OR11A1: variants seen among roughly 807,000 people sequenced by gnomAD.
OR11A1 encodes olfactory receptor 11A1.
For missense variants in OR11A1, 380 were observed against 378.2 expected (o/e 1.00, Z -0.04); for synonymous variants, 158 against 152.2 (o/e 1.04, Z -0.28).
rs138178812 is a variant in OR11A1, at chr6:29,447,795, G to A, written c.-389+9192C>T. 8.0e-3 allele frequency among the ~76,000 whole-genome samples: 1,216 copies of A among 152,250 alleles called. 14 individuals carry two copies. The highest frequency in any genetic ancestry group is 0.025 in the East Asian group (131 of 5,178). On this transcript the variant is annotated intron_variant, in intron 1 of 4. Coordinates refer to ENST00000377149, the MANE Select transcript of OR11A1 (RefSeq NM_001394828.1). Reference sequence around the variant, plus strand: ...GATGATGAGGCTTTTAATTCTTCCTGTTTCTGGGATGGCCTGGCTGGGCCT... The same window carrying A: ...GATGATGAGGCTTTTAATTCTTCCTATTTCTGGGATGGCCTGGCTGGGCCT...
At chr6:29,443,546 T>C (rs3117193) in intron 1 of OR11A1, among the ~76,000 whole-genome samples, 100,860 of 151,896 alleles carry the variant, frequency 0.66, 33,890 homozygotes, top group South Asian at 0.79. Flanking sequence ...ATTTTTTATT[T>C]ATTCACCTGC....
intron 1 of OR11A1, among the ~76,000 whole-genome samples, chr6:29,443,972 TAAA>T (rs148674915): frequency 1.5e-5 from 2 of 129,802 alleles, no homozygotes; most frequent in Non-Finnish European, 3.2e-5. Flanking sequence ...AATCAGTAAT[TAAA>T]AAAAAAAAAA....
intron 4 of OR11A1, 102 bp from the exon 5 acceptor site, chr6:29,427,834 C>T: frequency 1.2e-6 from 1 of 837,546 alleles, no homozygotes; most frequent in Admixed American, 3.0e-5. Flanking sequence ...ATTCCTTCCT[C>T]AACTCTCATC....
At chr6:29,431,203 AT>A (rs1783205249) in intron 2 of OR11A1, among the ~76,000 whole-genome samples, 2 of 152,218 alleles carry the variant, frequency 1.3e-5, no homozygotes, top group East Asian at 3.8e-4. Flanking sequence ...ATTTTAAAAA[AT>A]ATATACAAAA....
chr6:29,426,656 G>A lies in OR11A1; in HGVS notation c.*38C>T. The A allele has an allele frequency of 6.6e-7, 1 of 1,516,204 alleles. No individual in the cohort carries two copies. The highest frequency in any genetic ancestry group is 1.2e-5 in the South Asian group (1 of 80,690). The allele number at this position is 1,516,204 out of a possible 1,614,324, so 93.9% of individuals were successfully genotyped here. ...CATCCTGGAAGAGTCCCCAGTGGAGGTGTCCGAAGTCCAAAATAACATCTT... is the reference window on the plus strand; with the variant it reads ...CATCCTGGAAGAGTCCCCAGTGGAGATGTCCGAAGTCCAAAATAACATCTT... On this transcript the variant is annotated 3_prime_UTR_variant, in exon 5 of 5. Coordinates refer to ENST00000377149, the MANE Select transcript of OR11A1 (RefSeq NM_001394828.1).
Position 29,426,662 on chromosome 6 carries a change from G to A in OR11A1, c.*32C>T, listed in dbSNP as rs543190467. On this transcript the variant is annotated 3_prime_UTR_variant, in exon 5 of 5. Transcript: ENST00000377149. ...GGAAGAGTCCCCAGTGGAGGTGTCC[G>A]AAGTCCAAAATAACATCTTCATTAC... The A allele has an allele frequency of 1.2e-4, 182 of 1,556,058 alleles. No individual in the cohort carries two copies. The East Asian group carries it at 2.0e-3, about 18-fold the overall frequency.
At position 29,430,350 on chromosome 6, in the gene OR11A1, GT is replaced by G; in HGVS notation, c.-190del. The G allele has an allele frequency of 7.1e-6, 7 of 985,386 alleles. No homozygotes were observed. Among genetic ancestry groups the G allele is most frequent in the Non-Finnish European group, 8.4e-6 (7 of 829,920 alleles). The allele number at this position is 985,386 out of a possible 1,614,324, so 61.0% of individuals were successfully genotyped here. A position where few individuals can be genotyped will look rare whatever the true frequency, so the allele number is the denominator to read the frequency against. ...TGTGAGTGAATCTGGCACTCCCTAT[GT>G]GGGCCATCTTTAACTCTAGATTATT... is the stretch of plus-strand genomic sequence containing the variant. On this transcript the variant is annotated 5_prime_UTR_variant, in exon 3 of 5. It introduces an in-frame stop codon into an upstream open reading frame of the 5' UTR. Transcript: ENST00000377149.
At chr6:29,442,532 C>G (rs1784295871) in intron 1 of OR11A1, among the ~76,000 whole-genome samples, 1 of 152,232 alleles carries the variant, frequency 6.6e-6, no homozygotes, top group Admixed American at 6.5e-5. Context: ...ATATCAAGTA[C>G]ATACAGGGTG....
At chr6:29,440,889 CG>C in intron 1 of OR11A1, 1 of 1,613,686 alleles carries the variant, frequency 6.2e-7, no homozygotes, top group Non-Finnish European at 8.5e-7. Context: ...CTACAGCCTG[CG>C]GAACACAGAG....
chr6:29,432,440 C>G (rs928280035), intron 1 of OR11A1, among the ~76,000 whole-genome samples: 1 of 152,124 alleles, frequency 6.6e-6, no homozygotes, highest in Non-Finnish European at 1.5e-5. Flanking sequence ...TTCCCCATTA[C>G]CAACAGTGGT....
At chr6:29,440,972 C>T in intron 1 of OR11A1, 2 of 1,520,626 alleles carry the variant, frequency 1.3e-6, no homozygotes, top group Non-Finnish European at 1.8e-6. Context: ...GCGATAGTGA[C>T]TTCTGTGCAG....
At chr6:29,451,649 A>T (rs1214215782) in intron 1 of OR11A1, among the ~76,000 whole-genome samples, 2 of 152,118 alleles carry the variant, frequency 1.3e-5, no homozygotes, top group African/African-American at 4.8e-5. Context: ...ACCATCTCAT[A>T]TCAGTCAGAA....
chr6:29,451,569 A>C (rs767717351), intron 1 of OR11A1, among the ~76,000 whole-genome samples: 1 of 152,234 alleles, frequency 6.6e-6, no homozygotes, highest in Non-Finnish European at 1.5e-5. Flanking sequence ...CATGTAGCCA[A>C]GAAGCACATG....
chr6:29,427,207 C>T lies in OR11A1; in HGVS notation c.435G>A (p.Leu145=), dbSNP rs1487361957. The part of the protein sequence containing the change: ...LLMGPRRYMG[L]VVTTWLSGFV... ...ATCCAGAGAGCCAGGTTGTGACCAC[C>T]AGCCCCATGTACCGTCTGGGCCCCA... Residue 145 remains leucine (L), a synonymous_variant, in exon 5 of 5, where the codon CTG becomes CTA. Transcript: ENST00000377149. The T allele has an allele frequency of 1.2e-6, 2 of 1,612,986 alleles. No homozygotes were observed. Among genetic ancestry groups the T allele is most frequent in the Non-Finnish European group, 1.7e-6 (2 of 1,180,038 alleles).
chr6:29,439,990 C>G, intron 1 of OR11A1: 3 of 1,578,246 alleles, frequency 1.9e-6, no homozygotes, highest in Non-Finnish European at 1.7e-6. Context: ...TTTCTTTTGT[C>G]TTCCAGTCAA....
Position 29,448,656 on chromosome 6 carries a change from T to G in OR11A1, c.-389+8331A>C, listed in dbSNP as rs115565991. On this transcript the variant is annotated intron_variant, in intron 1 of 4. Coordinates refer to ENST00000377149, the MANE Select transcript of OR11A1 (RefSeq NM_001394828.1). ...GGCAATTTTCTGTGTCCATTCTGCA[T>G]GCCACTCAACTCCTCTAATGAATTC... Among the ~76,000 whole-genome samples, 1,428 of 152,326 alleles carry G rather than the reference T, an allele frequency of 9.4e-3. 12 individuals are homozygous for G. Among genetic ancestry groups the G allele is most frequent in the African/African-American group, 0.026 (1,066 of 41,562 alleles).
chr6:29,449,534 ATC>A (rs1582614493), intron 1 of OR11A1, among the ~76,000 whole-genome samples: 1 of 152,210 alleles, frequency 6.6e-6, no homozygotes. Context: ...ACAAAAAAGT[ATC>A]TTTCTTTCCC....
intron 1 of OR11A1, among the ~76,000 whole-genome samples, chr6:29,436,779 AAC>A (rs1352426364): frequency 3.3e-5 from 5 of 152,218 alleles, no homozygotes; most frequent in South Asian, 2.1e-4. Context: ...CCAGCATTAA[AAC>A]CCTGGCCTAG....
Position 29,427,652 on chromosome 6 carries a change from C to T in OR11A1, c.-11G>A, listed in dbSNP as rs1782940377. 3 of 1,593,654 alleles carry T rather than the reference C, an allele frequency of 1.9e-6. No individual in the cohort carries two copies. Among genetic ancestry groups the T allele is most frequent in the Admixed American group, 1.7e-5 (1 of 58,300 alleles). ...GGAGACAATTTCCATGTCGATCGTCCAAGTTTCTGCTTGGCAATAATTGGG... is the reference window on the plus strand; with the variant it reads ...GGAGACAATTTCCATGTCGATCGTCTAAGTTTCTGCTTGGCAATAATTGGG... On this transcript the variant is annotated 5_prime_UTR_variant, in exon 5 of 5. Coordinates refer to ENST00000377149, the MANE Select transcript of OR11A1 (RefSeq NM_001394828.1).
Sources: allele counts gnomAD v4.1 joint callset (sites outside exome capture counted in the v4.1 genomes callset), GRCh38; gene constraint gnomAD v4.1.1; transcripts MANE v1.5; gene names NCBI Gene and HGNC (gene_info 2026-07-23, HGNC 2026-07-21).